Variants in DNAAF9 observed in about 807,000 individuals in gnomAD.
DNAAF9 encodes dynein axonemal assembly factor 9, also known as shulin.
Under a neutral mutation model 167.0 loss-of-function variants are expected in DNAAF9, and 90 were observed. The ratio of observed to expected loss-of-function variants is 0.54; its 90% CI spans 0.45 to 0.64. DNAAF9 has a LOEUF of 0.64. DNAAF9 is among the 30% of genes least tolerant of loss of function. The pLI is 0.00. For missense variants in DNAAF9, 1,315 were observed against 1,442.2 expected (o/e 0.91, Z 1.43); for synonymous variants, 491 against 508.8 (o/e 0.96, Z 0.47).
Position 3,343,702 on chromosome 20 carries a change from C to T in DNAAF9, c.819G>A (p.Met273Ile), listed in dbSNP as rs774498025. ...TGTTTTCAGTTATATGGCTAGAGAT[C>T]ATTCCATGACTGAAATAACTTCTGA... ...EPFRSYFSHG[M>I]ISSHITENSP... Residue 273 changes from methionine to isoleucine, a missense_variant, in exon 9 of 37, where the codon ATG (methionine) becomes ATA (isoleucine). Transcript: ENST00000252032. 1.8e-5 allele frequency: 29 copies of T among 1,612,524 alleles called. No homozygotes were observed. The highest frequency in any genetic ancestry group is 2.4e-5 in the Non-Finnish European group (28 of 1,179,052).
chr20:3,383,562 T>A (rs546625251), intron 1 of DNAAF9, among the ~76,000 whole-genome samples: 2 of 151,966 alleles, frequency 1.3e-5, no homozygotes, highest in Non-Finnish European at 2.9e-5. Context: ...TTCCTAACAC[T>A]CTTATATTTA....
intron 6 of DNAAF9, chr20:3,361,804 T>G: frequency 7.6e-7 from 1 of 1,309,796 alleles, no homozygotes. Flanking sequence ...ATCTAGAAAA[T>G]TTACTACTGA....
At chr20:3,269,187 G>C (rs1021021061) in intron 30 of DNAAF9, among the ~76,000 whole-genome samples, 1 of 150,712 alleles carries the variant, frequency 6.6e-6, no homozygotes. Flanking sequence ...GATTACAGGC[G>C]TGAGCCACTG....
At chr20:3,332,852 C>T (rs1340963222) in intron 10 of DNAAF9, among the ~76,000 whole-genome samples, 2 of 151,114 alleles carry the variant, frequency 1.3e-5, no homozygotes, top group Admixed American at 6.6e-5. Flanking sequence ...CCAAAGGTAT[C>T]TTTTGGTGCG....
At chr20:3,397,693 G>A (rs1475002371) in intron 1 of DNAAF9, among the ~76,000 whole-genome samples, 5 of 129,928 alleles carry the variant, frequency 3.8e-5, no homozygotes, top group African/African-American at 6.2e-5. Flanking sequence ...TCAGGAATGA[G>A]TGTTAAATTT....
intron 9 of DNAAF9, among the ~76,000 whole-genome samples, chr20:3,341,902 C>T (rs889199121): frequency 7.2e-5 from 11 of 152,154 alleles, no homozygotes; most frequent in Admixed American, 2.6e-4. Flanking sequence ...CTCAGCCTCC[C>T]GAGTAGCTGG....
intron 10 of DNAAF9, among the ~76,000 whole-genome samples, chr20:3,336,260 T>TTTTTTG (rs1555793456): frequency 4.2e-5 from 6 of 141,778 alleles, no homozygotes; most frequent in African/African-American, 1.7e-4. Context: ...GCGTTTTTGT[T>TTTTTTG]TTTTTTTTTT....
At chr20:3,374,959 G>T in intron 5 of DNAAF9, 71 bp downstream of exon 5, 1 of 796,846 alleles carries the variant, frequency 1.3e-6, no homozygotes, top group Non-Finnish European at 2.1e-6. Context: ...CCCAATGAAA[G>T]GAAAAGTAGT....
intron 1 of DNAAF9, among the ~76,000 whole-genome samples, chr20:3,394,847 C>T (rs1262101556): frequency 6.6e-6 from 1 of 150,782 alleles, no homozygotes; most frequent in African/African-American, 2.4e-5. Flanking sequence ...CTAGCTAGCA[C>T]TTGAACTTGC....
chr20:3,376,140 G>C, intron 4 of DNAAF9, 38 bp downstream of exon 4: 3 of 1,588,412 alleles, frequency 1.9e-6, no homozygotes, highest in South Asian at 1.1e-5. Context: ...AGTATTCTTA[G>C]AGTGTCTCTA....
intron 17 of DNAAF9, among the ~76,000 whole-genome samples, chr20:3,317,722 G>A (rs1338038653): frequency 1.3e-5 from 2 of 151,842 alleles, no homozygotes; most frequent in East Asian, 1.9e-4. Context: ...TCAGCTTCCC[G>A]AGTAATTGGG....
At chr20:3,266,855 CTTT>C (rs556863917) in intron 30 of DNAAF9, among the ~76,000 whole-genome samples, 1 of 136,190 alleles carries the variant, frequency 7.3e-6, no homozygotes. Flanking sequence ...CCCCTTCCAC[CTTT>C]TTTTTTTTTT....
At chr20:3,337,269 T>G (rs2069976358) in intron 10 of DNAAF9, among the ~76,000 whole-genome samples, 1 of 128,406 alleles carries the variant, frequency 7.8e-6, no homozygotes, top group South Asian at 2.3e-4. Flanking sequence ...ACTGAAGTTG[T>G]TTTTTTTTTT....
At chr20:3,316,951 G>A (rs1261619171) in intron 17 of DNAAF9, among the ~76,000 whole-genome samples, 158 bp from the exon 18 acceptor site, 2 of 139,206 alleles carry the variant, frequency 1.4e-5, no homozygotes, top group East Asian at 4.2e-4. Flanking sequence ...CTGGAGTGCA[G>A]TGGCGCCATC....
chr20:3,271,933 C>T (rs1432198813), intron 29 of DNAAF9, among the ~76,000 whole-genome samples: 1 of 151,834 alleles, frequency 6.6e-6, no homozygotes, highest in East Asian at 1.9e-4. Flanking sequence ...TTCTTAATAT[C>T]GTAGAAAATT....
intron 21 of DNAAF9, among the ~76,000 whole-genome samples, chr20:3,301,453 G>T (rs1214989094): frequency 1.3e-5 from 2 of 152,154 alleles, no homozygotes; most frequent in Non-Finnish European, 2.9e-5. Context: ...CTCCCAAAGT[G>T]CTAGGATTAC....
Position 3,297,695 on chromosome 20 carries a change from G to A in DNAAF9, c.1929+334C>T, listed in dbSNP as rs936452004. Among the ~76,000 whole-genome samples the A allele has an allele frequency of 5.3e-5, 8 of 152,196 alleles. 1 individual carries two copies. Among genetic ancestry groups the A allele is most frequent in the Admixed American group, 3.9e-4 (6 of 15,280 alleles). ...GGCCCATGGGGAAGGAGACTATAGG[G>A]TGGCAAAGAGAACACTAATTCAGTA... On this transcript the variant is annotated intron_variant, in intron 22 of 36. Transcript: ENST00000252032.
At chr20:3,347,924 A>G (rs1185658793) in intron 8 of DNAAF9, among the ~76,000 whole-genome samples, 1 of 152,086 alleles carries the variant, frequency 6.6e-6, no homozygotes, top group African/African-American at 2.4e-5. Context: ...TCCATTTCAA[A>G]GGTAAAATGC....
At chr20:3,365,685 C>T (rs938734533) in intron 6 of DNAAF9, among the ~76,000 whole-genome samples, 8 of 152,214 alleles carry the variant, frequency 5.3e-5, no homozygotes, top group African/African-American at 1.9e-4. Context: ...AGCCACCGTG[C>T]CTGGCCGTGA....
Sources: gnomAD v4.1 joint callset for allele counts (sites outside exome capture counted in the v4.1 genomes callset) on GRCh38, gnomAD v4.1.1 for gene constraint, MANE v1.5 for transcripts, NCBI Gene and HGNC (gene_info 2026-07-23, HGNC 2026-07-21) for gene names.